Variants in CCSER1 observed in about 807,000 individuals in gnomAD.
The protein encoded by CCSER1 is serine-rich coiled-coil domain-containing protein 1.
CCSER1 carries 41 observed loss-of-function variants against 82.0 expected under a neutral mutation model. The observed-to-expected ratio is 0.50, with a 90% CI of 0.39 to 0.65. The LOEUF (loss-of-function observed/expected upper bound fraction) is 0.65, where lower values mean the gene tolerates loss of function less well. CCSER1 is among the 30% of genes least tolerant of loss of function. CCSER1 has a pLI of 0.00. For synonymous variants in CCSER1, 414 were observed against 383.9 expected, an observed-to-expected ratio of 1.08 and a Z score of -0.92; for missense variants, 1,119 against 1,064.2, an observed-to-expected ratio of 1.05 and a Z score of -0.72.
chr4:90,494,310 A>G (rs569951121), intron 5 of CCSER1, among the ~76,000 whole-genome samples: 99 of 152,276 alleles, frequency 6.5e-4, no homozygotes, highest in Middle Eastern at 6.8e-3. Flanking sequence ...CCACACAATA[A>G]TAATGGGAGA....
intron 4 of CCSER1, among the ~76,000 whole-genome samples, chr4:90,462,996 C>T (rs1024078979): frequency 2.6e-5 from 4 of 151,960 alleles, no homozygotes; most frequent in Non-Finnish European, 4.4e-5. Flanking sequence ...GAGCTTAGAA[C>T]CCAAAGTATT....
intron 9 of CCSER1, among the ~76,000 whole-genome samples, chr4:90,952,839 A>T (rs1733054625): frequency 6.6e-6 from 1 of 151,994 alleles, no homozygotes; most frequent in Non-Finnish European, 1.5e-5. Context: ...GCCCACTCCC[A>T]CTAGGCTCCA....
chr4:91,102,967 A>AT (rs1004884513), intron 10 of CCSER1, among the ~76,000 whole-genome samples: 53 of 152,170 alleles, frequency 3.5e-4, no homozygotes, highest in Non-Finnish European at 5.4e-4. Flanking sequence ...TCATAGTAAG[A>AT]TTTTTTTTCT....
chr4:90,863,815 G>A (rs1479863834), intron 8 of CCSER1, among the ~76,000 whole-genome samples: 4 of 151,674 alleles, frequency 2.6e-5, no homozygotes, highest in South Asian at 4.1e-4. Context: ...CTTACTCTAA[G>A]TGGCAGCATG....
At chr4:91,409,782 A>T (rs991517961) in intron 10 of CCSER1, among the ~76,000 whole-genome samples, 4 of 152,126 alleles carry the variant, frequency 2.6e-5, no homozygotes, top group African/African-American at 7.2e-5. Context: ...TCCTGGGTTC[A>T]AGCGATTCTC....
intron 9 of CCSER1, among the ~76,000 whole-genome samples, chr4:90,923,810 A>G (rs2150252797): frequency 6.6e-6 from 1 of 152,362 alleles, no homozygotes; most frequent in South Asian, 2.1e-4. Context: ...GTAATCACCA[A>G]AGGTGAAGCA....
intron 10 of CCSER1, among the ~76,000 whole-genome samples, chr4:91,217,975 C>A (rs1737398336): frequency 6.6e-6 from 1 of 152,358 alleles, no homozygotes; most frequent in South Asian, 2.1e-4. Flanking sequence ...GCTCGCATTC[C>A]TCAGCCCTTG....
intron 4 of CCSER1, among the ~76,000 whole-genome samples, chr4:90,458,815 T>C (rs1394331213): frequency 1.3e-5 from 2 of 152,216 alleles, no homozygotes; most frequent in Non-Finnish European, 2.9e-5. Context: ...ATGAAGGACT[T>C]CACAGACCTC....
At chr4:90,477,230 C>T (rs1216542668) in intron 5 of CCSER1, among the ~76,000 whole-genome samples, 1 of 152,098 alleles carries the variant, frequency 6.6e-6, no homozygotes, top group Non-Finnish European at 1.5e-5. Flanking sequence ...CTACTTTTCC[C>T]CTTCCAGGGG....
chr4:90,404,645 T>C (rs1339106416), intron 4 of CCSER1, among the ~76,000 whole-genome samples: 1 of 152,188 alleles, frequency 6.6e-6, no homozygotes. Context: ...GAGCAGGTGC[T>C]AGTATCCAGG....
intron 10 of CCSER1, among the ~76,000 whole-genome samples, chr4:91,483,135 C>CAG (rs1758037044): frequency 6.7e-6 from 1 of 149,690 alleles, no homozygotes; most frequent in African/African-American, 2.5e-5. Context: ...AATGACTTCC[C>CAG]AGAAAAAAAA....
At chr4:91,134,047 C>T (rs1296393921) in intron 10 of CCSER1, among the ~76,000 whole-genome samples, 2 of 152,002 alleles carry the variant, frequency 1.3e-5, no homozygotes, top group Non-Finnish European at 2.9e-5. Flanking sequence ...TGCAGTGAGC[C>T]GAGATCGTGC....
At chr4:90,741,628 G>T (rs931181590) in intron 7 of CCSER1, among the ~76,000 whole-genome samples, 1 of 152,036 alleles carries the variant, frequency 6.6e-6, no homozygotes, top group Non-Finnish European at 1.5e-5. Flanking sequence ...TTCTTACTTA[G>T]TATTATCATT....
At chr4:91,093,225 G>A (rs192038837) in intron 10 of CCSER1, among the ~76,000 whole-genome samples, 19 of 152,218 alleles carry the variant, frequency 1.2e-4, no homozygotes, top group East Asian at 9.7e-4. Flanking sequence ...CTTTCTCCTC[G>A]TGGACTGATG....
At chr4:90,500,090 T>C (rs1352645131) in intron 5 of CCSER1, among the ~76,000 whole-genome samples, 1 of 152,190 alleles carries the variant, frequency 6.6e-6, no homozygotes, top group African/African-American at 2.4e-5. Context: ...GAGTTTGTAA[T>C]CAATAAAGAC....
intron 1 of CCSER1, among the ~76,000 whole-genome samples, chr4:90,145,358 A>G (rs776222510): frequency 6.6e-6 from 1 of 152,144 alleles, no homozygotes; most frequent in Non-Finnish European, 1.5e-5. Flanking sequence ...AAAATTAGGA[A>G]GTGTAAAAGA....
In CCSER1 at chr4:91,053,738, C is replaced by T. The variant is rs576147613; in HGVS notation, c.2173-32212C>T. On this transcript the variant is annotated intron_variant, in intron 9 of 10. Coordinates refer to ENST00000509176, the MANE Select transcript of CCSER1 (RefSeq NM_001145065.2). The stretch of plus-strand genomic sequence containing the variant: ...GGATAAGTGAGCCTAAATGTAAATA[C>T]ATCTTCCCTCTTTCTATGCAATTTT... 2.6e-5 allele frequency among the ~76,000 whole-genome samples: 4 copies of T among 152,304 alleles called. No individual in the cohort carries two copies. The South Asian group carries it at 8.3e-4, about 32-fold the overall frequency.
intron 8 of CCSER1, among the ~76,000 whole-genome samples, chr4:90,874,075 T>G (rs1441515411): frequency 1.3e-5 from 2 of 152,116 alleles, no homozygotes; most frequent in Non-Finnish European, 2.9e-5. Context: ...ACATTTGGCT[T>G]TCCTTCCATC....
intron 5 of CCSER1, among the ~76,000 whole-genome samples, chr4:90,603,271 A>G (rs112583393): frequency 0.014 from 2,117 of 152,334 alleles, 46 homozygotes; most frequent in African/African-American, 0.048. Flanking sequence ...GAGCCAGGTA[A>G]GCTGATGCTG....
Sources: allele counts gnomAD v4.1 joint callset (sites outside exome capture counted in the v4.1 genomes callset), GRCh38; gene constraint gnomAD v4.1.1; transcripts MANE v1.5; gene names NCBI Gene and HGNC (gene_info 2026-07-23, HGNC 2026-07-21).